The following LMTK2 variants were observed in gnomAD, a reference collection of about 807,000 sequenced individuals.
The protein encoded by LMTK2 is serine/threonine-protein kinase LMTK2.
Under a neutral mutation model 127.5 loss-of-function variants are expected in LMTK2, and 37 were observed. The ratio of observed to expected loss-of-function variants is 0.29; its 90% CI spans 0.22 to 0.38. The LOEUF (loss-of-function observed/expected upper bound fraction) is 0.38. LMTK2 is among the 10% of genes least tolerant of loss of function. The pLI, the probability that LMTK2 is intolerant of heterozygous loss-of-function variation, is 1.00. For synonymous variants in LMTK2, 819 were observed against 810.1 expected (o/e 1.01, Z -0.19); for missense variants, 1,694 against 1,920.3 (o/e 0.88, Z 2.20).
In LMTK2 at chr7:98,171,461, G is replaced by A. The variant is rs1797189329; in HGVS notation, c.658-80G>A. The A allele has an allele frequency of 6.4e-7, 1 of 1,552,892 alleles. No homozygotes were observed. Among genetic ancestry groups the A allele is most frequent in the Non-Finnish European group, 8.9e-7 (1 of 1,124,856 alleles). ...TTCTAATAAATAATCTTAACAGTTAGTGTTCACCGAGGCACGTATTTAAGC... is the reference window on the plus strand; with the variant it reads ...TTCTAATAAATAATCTTAACAGTTAATGTTCACCGAGGCACGTATTTAAGC... On this transcript the variant is annotated intron_variant, in intron 6 of 13. Transcript: ENST00000297293. This position sits in a 1 kb window ranked among gnomAD's most constrained non-coding sequence, Gnocchi z 5.1.
intron 11 of LMTK2, among the ~76,000 whole-genome samples, chr7:98,197,397 C>T (rs1385707721): frequency 6.6e-6 from 1 of 152,256 alleles, no homozygotes; most frequent in African/African-American, 2.4e-5. Flanking sequence ...CCACCTCTTG[C>T]ATGCACCTTT....
chr7:98,131,420 G>A (rs1796518607), intron 1 of LMTK2, among the ~76,000 whole-genome samples: 1 of 151,890 alleles, frequency 6.6e-6, no homozygotes, highest in African/African-American at 2.4e-5. Flanking sequence ...CTCCCCAAGT[G>A]TTTTTCACAG....
chr7:98,134,724 G>A (rs1028983226), intron 1 of LMTK2, among the ~76,000 whole-genome samples: 1 of 152,020 alleles, frequency 6.6e-6, no homozygotes, highest in Non-Finnish European at 1.5e-5. Flanking sequence ...TGAGTGAACA[G>A]CTCACTGCAA....
intron 5 of LMTK2, among the ~76,000 whole-genome samples, chr7:98,157,942 T>C (rs1796954357): frequency 6.6e-6 from 1 of 152,218 alleles, no homozygotes; most frequent in African/African-American, 2.4e-5. Flanking sequence ...GCACACACTT[T>C]ATCACAGTGG....
At chr7:98,201,144 C>G (rs1251372050) in intron 11 of LMTK2, among the ~76,000 whole-genome samples, 1 of 151,832 alleles carries the variant, frequency 6.6e-6, no homozygotes. Context: ...CCTGTTTTCT[C>G]TGAGTGTAGA....
chr7:98,200,009 ATTTG>A (rs1797684515), intron 11 of LMTK2, among the ~76,000 whole-genome samples: 1 of 152,000 alleles, frequency 6.6e-6, no homozygotes, highest in Non-Finnish European at 1.5e-5. Context: ...ATACCATTTT[ATTTG>A]TTCTATTTTT....
intron 11 of LMTK2, among the ~76,000 whole-genome samples, chr7:98,198,761 G>A (rs569776248): frequency 3.3e-5 from 5 of 152,040 alleles, no homozygotes; most frequent in African/African-American, 7.2e-5. Flanking sequence ...GATTATAGAC[G>A]TGAGCCACTG....
intron 8 of LMTK2, 130 bp downstream of exon 8, chr7:98,185,265 C>T: frequency 1.6e-6 from 1 of 641,334 alleles, no homozygotes; most frequent in Non-Finnish European, 2.8e-6. Context: ...TTGCAGCAGT[C>T]ATTTTAATGT....
intron 11 of LMTK2, among the ~76,000 whole-genome samples, chr7:98,203,051 A>G (rs1051157014): frequency 1.3e-5 from 2 of 152,196 alleles, no homozygotes; most frequent in Non-Finnish European, 2.9e-5. Flanking sequence ...CCTCAGGATT[A>G]TAGGCAGCTG....
chr7:98,169,414 C>T (rs1484257930), intron 6 of LMTK2, among the ~76,000 whole-genome samples: 1 of 152,356 alleles, frequency 6.6e-6, no homozygotes, highest in East Asian at 1.9e-4. Flanking sequence ...GAAGCAGCCA[C>T]GCCCGCTCTG....
chr7:98,112,274 T>C (rs760813940), intron 1 of LMTK2, among the ~76,000 whole-genome samples: 1 of 152,186 alleles, frequency 6.6e-6, no homozygotes, highest in Non-Finnish European at 1.5e-5. Flanking sequence ...CATAGCTCAC[T>C]GCAACCTCCA....
At chr7:98,117,773 C>T (rs1364932126) in intron 1 of LMTK2, among the ~76,000 whole-genome samples, 5 of 152,032 alleles carry the variant, frequency 3.3e-5, no homozygotes, top group Non-Finnish European at 5.9e-5. Flanking sequence ...TCAAGACTAG[C>T]CTGACCAACG....
chr7:98,159,051 C>G (rs1434757983), intron 5 of LMTK2, among the ~76,000 whole-genome samples: 6 of 152,048 alleles, frequency 3.9e-5, no homozygotes, highest in Non-Finnish European at 8.8e-5. Flanking sequence ...GAACGAGACC[C>G]TGTCTCTTGA....
chr7:98,176,140 T>G (rs2116433552), intron 7 of LMTK2, among the ~76,000 whole-genome samples: 1 of 152,362 alleles, frequency 6.6e-6, no homozygotes, highest in African/African-American at 2.4e-5. Context: ...TATAAAAATA[T>G]GTCTACATAA....
In LMTK2 at chr7:98,154,847, T is replaced by C. The variant is rs749762513; in HGVS notation, c.540T>C (p.Asp180=). The stretch of plus-strand genomic sequence containing the variant: ...CAAGTGCCAACCCAAAGGAACAAGA[T>C]ACTTTTTTGAAAAATGGAGAACCTT... ...LKASANPKEQ[D]TFLKNGEPYY... The change falls in exon 5 of 14, where the codon GAT becomes GAC. Residue 180 remains aspartate (D), a synonymous_variant. Coordinates refer to ENST00000297293, the MANE Select transcript of LMTK2 (RefSeq NM_014916.4). The C allele has an allele frequency of 6.2e-7, 1 of 1,611,916 alleles. No individual in the cohort carries two copies. The highest frequency in any genetic ancestry group is 1.1e-5 in the South Asian group (1 of 91,034).
intron 6 of LMTK2, among the ~76,000 whole-genome samples, chr7:98,166,437 A>G (rs1208260733): frequency 6.6e-6 from 1 of 152,254 alleles, no homozygotes; most frequent in Non-Finnish European, 1.5e-5. Context: ...AATTTACAGA[A>G]TAAGGATATA....
intron 6 of LMTK2, among the ~76,000 whole-genome samples, chr7:98,169,012 G>A (rs1000332596): frequency 6.6e-6 from 1 of 152,072 alleles, no homozygotes; most frequent in Non-Finnish European, 1.5e-5. Context: ...GTCTGTTTTG[G>A]ATAGAATGAA....
chr7:98,142,538 A>T (rs1021208911), intron 3 of LMTK2, among the ~76,000 whole-genome samples: 5 of 152,120 alleles, frequency 3.3e-5, no homozygotes, highest in Non-Finnish European at 7.3e-5. Context: ...AAGTATACTT[A>T]CTCTAAATGG....
chr7:98,139,964 T>C (rs1796651817), intron 2 of LMTK2, among the ~76,000 whole-genome samples: 1 of 152,050 alleles, frequency 6.6e-6, no homozygotes, highest in South Asian at 2.1e-4. Context: ...GACTTGATAA[T>C]TGGCCGTGTC....
Sources: gnomAD v4.1 joint callset for allele counts (sites outside exome capture counted in the v4.1 genomes callset) on GRCh38, gnomAD v4.1.1 for gene constraint, Gnocchi (gnomAD v3.1) non-coding constraint, MANE v1.5 for transcripts, NCBI Gene and HGNC (gene_info 2026-07-23, HGNC 2026-07-21) for gene names.